ZNF43: variants seen among roughly 807,000 people sequenced by gnomAD.
ZNF43 encodes the protein zinc finger protein 43.
Under a neutral mutation model 68.4 loss-of-function variants are expected in ZNF43, and 44 were observed. The ratio of observed to expected loss-of-function variants is 0.64; its 90% confidence interval spans 0.51 to 0.83. ZNF43 has a LOEUF of 0.83. Among genes scored for constraint, ZNF43 ranks in the 40% least tolerant of loss-of-function variants. The probability of loss-of-function intolerance (pLI) is 0.00; values close to 1 mark genes in which losing one functional copy is unlikely to be tolerated. For synonymous variants in ZNF43, 308 were observed against 307.8 expected (o/e 1.00, Z -0.01); for missense variants, 896 against 933.2 (o/e 0.96, Z 0.52).
chr19:21,849,488 C>CA (rs35354919), intron 1 of ZNF43, among the ~76,000 whole-genome samples: 5,946 of 29,422 alleles, frequency 0.2, 1,135 homozygotes, highest in Non-Finnish European at 0.23. Context: ...AACCCTGCCT[C>CA]AAAAAAAAAA....
At chr19:21,830,279 G>GAA (rs57980495) in intron 1 of ZNF43, among the ~76,000 whole-genome samples, 11 of 133,958 alleles carry the variant, frequency 8.2e-5, no homozygotes, top group African/African-American at 1.6e-4. Flanking sequence ...AAAACAAAAT[G>GAA]AAAAAAAAAA....
intron 1 of ZNF43, chr19:21,841,356 G>T (rs1204041167): frequency 7.2e-5 from 11 of 152,240 alleles, no homozygotes. Flanking sequence ...GACCAGGCAG[G>T]AGAGTCATAT....
chr19:21,834,969 G>C (rs1358794300), intron 1 of ZNF43, among the ~76,000 whole-genome samples: 1 of 149,186 alleles, frequency 6.7e-6, no homozygotes, highest in Non-Finnish European at 1.5e-5. Context: ...AGCCCGGCTC[G>C]GTGGCTATTT....
At chr19:21,834,049 AAG>A (rs1038572777) in intron 1 of ZNF43, among the ~76,000 whole-genome samples, 1 of 151,958 alleles carries the variant, frequency 6.6e-6, no homozygotes, top group Non-Finnish European at 1.5e-5. Context: ...GGGGAAAAAA[AAG>A]AGTCCTGTGC....
chr19:21,834,987 C>T (rs1599524528), intron 1 of ZNF43, among the ~76,000 whole-genome samples: 1 of 147,168 alleles, frequency 6.8e-6, no homozygotes, highest in Non-Finnish European at 1.5e-5. Context: ...TTTTTAAGTG[C>T]TGTAATCCTA....
At chr19:21,837,415 CTTT>C (rs539940868), upstream of ZNF43, among the ~76,000 whole-genome samples, 34 of 83,976 alleles carry the variant, frequency 4.0e-4, no homozygotes, top group Middle Eastern at 0.018. Context: ...CCTACACTTA[CTTT>C]TTTTTTTTTT....
intron 3 of ZNF43, among the ~76,000 whole-genome samples, chr19:21,814,709 A>G (rs1198223227): frequency 6.6e-6 from 1 of 151,970 alleles, no homozygotes; most frequent in Non-Finnish European, 1.5e-5. Flanking sequence ...TGCCCGGCCA[A>G]TTAAAGCCCA....
intron 1 of ZNF43, among the ~76,000 whole-genome samples, chr19:21,825,502 T>C (rs1265726745): frequency 6.6e-6 from 1 of 152,168 alleles, no homozygotes; most frequent in Non-Finnish European, 1.5e-5. Flanking sequence ...GACTTGCATT[T>C]CTCAGATTAA....
chr19:21,849,996 A>C (rs946707587), intron 1 of ZNF43: 5 of 152,246 alleles, frequency 3.3e-5, no homozygotes, highest in African/African-American at 1.2e-4. Flanking sequence ...CAGAGACCAG[A>C]CAGGAGTATC....
At position 21,808,342 on chromosome 19, in the gene ZNF43, G is replaced by T; in HGVS notation, c.1695C>A (p.Pro565=). The T allele has an allele frequency of 6.2e-7, 1 of 1,612,672 alleles. No individual in the cohort carries two copies. The highest frequency in any genetic ancestry group is 8.5e-7 in the Non-Finnish European group (1 of 1,179,658). Residue 565 remains proline, a synonymous_variant, in exon 4 of 4, where the codon CCC becomes CCA. Coordinates refer to ENST00000354959, the MANE Select transcript of ZNF43 (RefSeq NM_003423.4). The part of the protein sequence containing the change: ...KHKRIHTGEK[P]YKCEECGKAF... ...CTTTGCCACATTCTTCACACTTGTA[G>T]GGTTTCTCTCCAGTATGAATCCTCT...
At chr19:21,821,624 CA>C (rs2037850414) in intron 1 of ZNF43, among the ~76,000 whole-genome samples, 1 of 151,748 alleles carries the variant, frequency 6.6e-6, no homozygotes, top group Admixed American at 6.6e-5. Context: ...TTCCCATGTT[CA>C]ACAACCATGA....
chr19:21,808,401 C>T lies in ZNF43; in HGVS notation c.1636G>A (p.Ala546Thr). 4 of 1,612,980 alleles carry T rather than the reference C, an allele frequency of 2.5e-6. No homozygotes were observed. Among genetic ancestry groups the T allele is most frequent in the Non-Finnish European group, 3.4e-6 (4 of 1,179,882 alleles). ...KPYKCEECGK[A>T]FNHFSILTKH... ...GTAAGGATTGAGAAATGGTTAAAAG[C>T]TTTGCCACATTCTTCACATTTGTAG... Residue 546 changes from alanine to threonine, a missense_variant, in exon 4 of 4, where the codon GCT becomes ACT. Physicochemically the swap from Ala to Thr is moderately conservative, Grantham distance 58. Transcript: ENST00000354959.
intron 1 of ZNF43, among the ~76,000 whole-genome samples, chr19:21,829,007 T>A (rs2038283046): frequency 8.9e-6 from 1 of 112,276 alleles, no homozygotes; most frequent in Non-Finnish European, 1.6e-5. Flanking sequence ...CACTCCAGCC[T>A]GGGCGAAAGA....
intron 3 of ZNF43, among the ~76,000 whole-genome samples, chr19:21,815,237 G>T (rs564716278): frequency 9.9e-5 from 15 of 151,656 alleles, no homozygotes; most frequent in Admixed American, 8.5e-4. Flanking sequence ...CATTAAAGAA[G>T]AATTTGTTTA....
intron 1 of ZNF43, among the ~76,000 whole-genome samples, chr19:21,833,888 G>A (rs1237463510): frequency 6.6e-6 from 1 of 151,844 alleles, no homozygotes; most frequent in Non-Finnish European, 1.5e-5. Flanking sequence ...TTAGCCAGGC[G>A]TGGTAGTGCA....
upstream of ZNF43, chr19:21,836,357 C>T (rs1028705488): frequency 3.1e-6 from 3 of 952,686 alleles, no homozygotes; most frequent in Admixed American, 3.8e-5. Context: ...ACAGCCTAGG[C>T]TGCCGCCTTT....
chr19:21,826,734 G>T (rs1170546709), intron 1 of ZNF43, among the ~76,000 whole-genome samples: 2 of 151,944 alleles, frequency 1.3e-5, no homozygotes, highest in Non-Finnish European at 2.9e-5. Flanking sequence ...TACTAAGGAG[G>T]CTGAGGCAGG....
At chr19:21,815,952 T>G (rs1341598677) in intron 3 of ZNF43, among the ~76,000 whole-genome samples, 1 of 151,662 alleles carries the variant, frequency 6.6e-6, no homozygotes, top group Non-Finnish European at 1.5e-5. Context: ...CCTCAGGTAC[T>G]TGGGAGGCTG....
intron 1 of ZNF43, chr19:21,851,014 TA>T (rs992269860): frequency 3.7e-4 from 56 of 152,396 alleles, no homozygotes; most frequent in African/African-American, 1.3e-3. Flanking sequence ...ACACCTCCTG[TA>T]TGTTGGGTCT....
Sources: allele counts gnomAD v4.1 joint callset (sites outside exome capture counted in the v4.1 genomes callset), GRCh38; gene constraint gnomAD v4.1.1; transcripts MANE v1.5; gene names NCBI Gene and HGNC (gene_info 2026-07-23, HGNC 2026-07-21).